The following MAN1A2 variants were observed in gnomAD, a reference collection of about 807,000 sequenced individuals.
MAN1A2 encodes the protein mannosidase alpha class 1A member 2, also known as mannosyl-oligosaccharide 1,2-alpha-mannosidase IB.
Under a neutral mutation model 75.7 loss-of-function variants are expected in MAN1A2, and 26 were observed. The observed-to-expected ratio is 0.34, with a 90% CI of 0.25 to 0.48. The LOEUF is 0.48. Among genes scored for constraint, MAN1A2 ranks in the 20% least tolerant of loss-of-function variants. The pLI is 0.99. For missense variants in MAN1A2, 562 were observed against 775.5 expected (o/e 0.72, Z 3.27); for synonymous variants, 247 against 264.6 (o/e 0.93, Z 0.65).
intron 6 of MAN1A2, among the ~76,000 whole-genome samples, chr1:117,458,500 TA>T (rs1649679711): frequency 9.5e-6 from 1 of 104,766 alleles, no homozygotes; most frequent in Non-Finnish European, 1.9e-5. Context: ...TATATATCTA[TA>T]TATATATATA....
intron 5 of MAN1A2, among the ~76,000 whole-genome samples, chr1:117,435,299 A>G (rs1338545765): frequency 1.3e-5 from 2 of 152,164 alleles, no homozygotes; most frequent in East Asian, 1.9e-4. Context: ...AAGAAATACA[A>G]CATCAAAGGC....
chr1:117,455,382 G>C (rs994382398), intron 6 of MAN1A2, among the ~76,000 whole-genome samples: 1 of 152,024 alleles, frequency 6.6e-6, no homozygotes, highest in African/African-American at 2.4e-5. Flanking sequence ...AAAGGGATAA[G>C]GACATGTTTT....
At chr1:117,476,076 A>C (rs1650303211) in intron 8 of MAN1A2, among the ~76,000 whole-genome samples, 1 of 152,124 alleles carries the variant, frequency 6.6e-6, no homozygotes. Context: ...GTGAGATGGT[A>C]TGTCCTTGTG....
At chr1:117,508,466 A>C (rs1280577598) in intron 12 of MAN1A2, among the ~76,000 whole-genome samples, 1 of 151,492 alleles carries the variant, frequency 6.6e-6, no homozygotes, top group Non-Finnish European at 1.5e-5. Context: ...TTTCCTCCGT[A>C]TCTCTTGAAA....
intron 6 of MAN1A2, among the ~76,000 whole-genome samples, chr1:117,455,553 A>T (rs1557957875): frequency 2.6e-5 from 4 of 152,138 alleles, no homozygotes. Flanking sequence ...GGGGCTGTGT[A>T]ATAACAAAAA....
chr1:117,508,514 A>G lies in MAN1A2; in HGVS notation c.1793+5544A>G, dbSNP rs538799957. On this transcript the variant is annotated intron_variant, in intron 12 of 12. Transcript: ENST00000356554. ...ATATAGTAAAATTCTGGAAAGCTAT[A>G]TAAGAATATGTCTTATATTCTTATA... Among the ~76,000 whole-genome samples, 5 of 151,774 alleles carry G rather than the reference A, an allele frequency of 3.3e-5. No individual in the cohort carries two copies. The East Asian group carries it at 9.7e-4, about 29-fold the overall frequency.
At position 117,425,658 on chromosome 1, in the gene MAN1A2, A is replaced by G. The variant is rs376942161; in HGVS notation, c.855+5009A>G. On this transcript the variant is annotated intron_variant, in intron 5 of 12. Transcript: ENST00000356554. ...TGACAACATGTAACGTCTATTCATG[A>G]TAACAACTTGCAGCAAACTAGAAGT... 1.4e-3 allele frequency among the ~76,000 whole-genome samples: 217 copies of G among 152,334 alleles called. 11 individuals are homozygous for G. In the South Asian group the frequency reaches 0.043, roughly 30 times the overall value.
intron 1 of MAN1A2, among the ~76,000 whole-genome samples, chr1:117,389,500 ACCT>A (rs1653649623): frequency 6.6e-6 from 1 of 151,884 alleles, no homozygotes; most frequent in African/African-American, 2.4e-5. Context: ...TGCACAGCTC[ACCT>A]CCTGCTTGCC....
rs1651968958 is a variant in MAN1A2, at chr1:117,525,054, GAATGC to G, written c.*2099_*2103del. 1 of 505,198 alleles carries G rather than the reference GAATGC, an allele frequency of 2.0e-6. No homozygotes were observed. Among genetic ancestry groups the G allele is most frequent in the African/African-American group, 1.9e-5 (1 of 51,532 alleles). 31.3% of individuals were successfully genotyped at this position (505,198 alleles called of 1,614,324 possible). On this transcript the variant is annotated 3_prime_UTR_variant, in exon 13 of 13. Coordinates refer to ENST00000356554, the MANE Select transcript of MAN1A2 (RefSeq NM_006699.5). ...GAATTCTCTTTTACCTTATTTAGAA[GAATGC>G]AGAGTAAAGGGACCTTCTTGGTTCT...
rs1651132351 is a variant in MAN1A2, at chr1:117,499,404, A to G, written c.1527A>G (p.Ser509=). Reference sequence around the variant, plus strand: ...CAGCATTAAAGCTAGGTCCTGAATCATTCAAGTTTGATGGTGCAGTGGAGG... The same window carrying G: ...CAGCATTAAAGCTAGGTCCTGAATCGTTCAAGTTTGATGGTGCAGTGGAGG... The part of the protein sequence containing the change: ...DRTALKLGPE[S]FKFDGAVEAV... The change falls in exon 11 of 13, where the codon TCA becomes TCG. Residue 509 remains serine, a synonymous_variant. Transcript: ENST00000356554. 1.9e-6 allele frequency: 3 copies of G among 1,595,504 alleles called. No individual in the cohort carries two copies. In the African/African-American group the frequency reaches 4.1e-5, roughly 22 times the overall value.
At chr1:117,434,824 T>C (rs1466306571) in intron 5 of MAN1A2, among the ~76,000 whole-genome samples, 1 of 151,082 alleles carries the variant, frequency 6.6e-6, no homozygotes, top group Non-Finnish European at 1.5e-5. Flanking sequence ...GTCATCACAG[T>C]ATTTTGCCAA....
chr1:117,417,043 A>T (rs1483636216), intron 4 of MAN1A2, among the ~76,000 whole-genome samples: 2 of 152,174 alleles, frequency 1.3e-5, no homozygotes, highest in Admixed American at 1.3e-4. Context: ...TTCTTCCTCC[A>T]GTCTTGTATT....
chr1:117,504,699 G>T (rs766118839), intron 12 of MAN1A2, among the ~76,000 whole-genome samples: 2 of 151,280 alleles, frequency 1.3e-5, no homozygotes, highest in Admixed American at 1.3e-4. Context: ...GTTACGTTTG[G>T]TTGTCATCGT....
chr1:117,375,352 G>A (rs528497501), intron 1 of MAN1A2, among the ~76,000 whole-genome samples: 2 of 152,232 alleles, frequency 1.3e-5, no homozygotes, highest in South Asian at 4.1e-4. Flanking sequence ...AATATTGAGA[G>A]ATTCCACTGA....
chr1:117,503,106 A>G, intron 12 of MAN1A2, 136 bp downstream of exon 12: 3 of 518,314 alleles, frequency 5.8e-6, no homozygotes, highest in Non-Finnish European at 1.0e-5. Flanking sequence ...TGGGTGTGTA[A>G]ATTTTTAGCT....
chr1:117,428,133 G>C (rs1464504578), intron 5 of MAN1A2, among the ~76,000 whole-genome samples: 1 of 150,642 alleles, frequency 6.6e-6, no homozygotes, highest in Non-Finnish European at 1.5e-5. Context: ...TTTTGGGGGG[G>C]GACCGAGTCT....
At chr1:117,488,900 G>A (rs1650794629) in intron 8 of MAN1A2, among the ~76,000 whole-genome samples, 1 of 152,002 alleles carries the variant, frequency 6.6e-6, no homozygotes, top group Admixed American at 6.6e-5. Flanking sequence ...TAAAATTGAA[G>A]GGCTCCTTCC....
intron 3 of MAN1A2, among the ~76,000 whole-genome samples, chr1:117,408,593 C>T (rs1278442748): frequency 6.6e-6 from 1 of 151,954 alleles, no homozygotes; most frequent in Non-Finnish European, 1.5e-5. Context: ...AGAGATACTG[C>T]TCTGTACTTT....
chr1:117,477,736 G>A (rs979235779), intron 8 of MAN1A2, among the ~76,000 whole-genome samples: 1 of 152,060 alleles, frequency 6.6e-6, no homozygotes, highest in Non-Finnish European at 1.5e-5. Flanking sequence ...AGATAAGGAT[G>A]CCCTCTCTCA....
Sources: allele counts gnomAD v4.1 joint callset (sites outside exome capture counted in the v4.1 genomes callset), GRCh38; gene constraint gnomAD v4.1.1; transcripts MANE v1.5; gene names NCBI Gene and HGNC (gene_info 2026-07-23, HGNC 2026-07-21).